The following SNX25 variants were observed in gnomAD, a reference collection of about 807,000 sequenced individuals.
The protein encoded by SNX25 is sorting nexin-25.
A neutral mutation model predicts 113.7 loss-of-function variants in SNX25; 62 were observed. That is an observed-to-expected ratio of 0.55 (90% confidence interval 0.44 to 0.67). SNX25 has a LOEUF of 0.67. Among genes scored for constraint, SNX25 ranks in the 30% least tolerant of loss-of-function variants. The pLI is 0.00. For synonymous variants in SNX25, 421 were observed against 436.2 expected (o/e 0.97, Z 0.43); for missense variants, 1,014 against 1,161.0 (o/e 0.87, Z 1.84).
intron 6 of SNX25, among the ~76,000 whole-genome samples, chr4:185,309,354 A>T (rs1017191073): frequency 6.6e-6 from 1 of 152,174 alleles, no homozygotes; most frequent in Non-Finnish European, 1.5e-5. Flanking sequence ...CCCCAACCAG[A>T]TTCAAGAAAA....
At chr4:185,370,795 C>G (rs201180140), downstream of SNX25, 1 of 1,613,968 alleles carries the variant, frequency 6.2e-7, no homozygotes, top group African/African-American at 1.3e-5. Flanking sequence ...ATGTCGTGAA[C>G]CTCATCATAG....
In SNX25 at chr4:185,255,277, G is replaced by T. The variant is rs75878865; in HGVS notation, c.515-3571G>T. On this transcript the variant is annotated intron_variant, in intron 2 of 18. Coordinates refer to ENST00000652585, the MANE Select transcript of SNX25 (RefSeq NM_001378034.2). Reference sequence around the variant, plus strand: ...GCCTCTGGAGTACCTGGGATTACAGGCGCCTGCCACCACGCACGGCTAATT... The same window carrying T: ...GCCTCTGGAGTACCTGGGATTACAGTCGCCTGCCACCACGCACGGCTAATT... 8.5e-3 allele frequency among the ~76,000 whole-genome samples: 1,289 copies of T among 152,102 alleles called. 13 individuals carry two copies. The highest frequency in any genetic ancestry group is 0.03 in the African/African-American group (1,230 of 41,480).
chr4:185,240,885 G>A (rs1032557913), intron 1 of SNX25, among the ~76,000 whole-genome samples: 3 of 151,214 alleles, frequency 2.0e-5, no homozygotes, highest in African/African-American at 7.3e-5. Context: ...AGACGGGGCG[G>A]CAGGGCAGAG....
intron 2 of SNX25, among the ~76,000 whole-genome samples, chr4:185,255,965 T>G (rs533065694): frequency 2.6e-4 from 39 of 152,348 alleles, no homozygotes; most frequent in African/African-American, 9.1e-4. Context: ...CCATTAGGGA[T>G]GAGATGTAGC....
At chr4:185,219,781 T>C (rs903120118) in intron 1 of SNX25, among the ~76,000 whole-genome samples, 1 of 152,122 alleles carries the variant, frequency 6.6e-6, no homozygotes, top group African/African-American at 2.4e-5. Context: ...CTTCCTCTTA[T>C]GTAAATCAAC....
At chr4:185,353,433 C>T in intron 14 of SNX25, 52 bp from the exon 15 acceptor site, 1 of 1,397,088 alleles carries the variant, frequency 7.2e-7, no homozygotes, top group South Asian at 1.2e-5. Context: ...AACAACTCTA[C>T]CAATTTTCTT....
At chr4:185,367,262 G>A (rs1455893912), downstream of SNX25, 8 of 1,601,806 alleles carry the variant, frequency 5.0e-6, no homozygotes, top group South Asian at 8.9e-5. Context: ...ATCAAAAAGA[G>A]TCAGATATTT....
At chr4:185,346,484 T>A (rs1579875882) in intron 12 of SNX25, 53 bp from the exon 13 acceptor site, 1 of 1,190,770 alleles carries the variant, frequency 8.4e-7, no homozygotes, top group East Asian at 2.4e-5. Flanking sequence ...AAATCTTTTT[T>A]AAGATTAAAA....
In SNX25 at chr4:185,232,371, C is replaced by T. The variant is rs114940339; in HGVS notation, c.430-14923C>T. On this transcript the variant is annotated intron_variant, in intron 1 of 18. Transcript: ENST00000652585. This position sits in a 1 kb window ranked among gnomAD's most constrained non-coding sequence, Gnocchi z 4.4. The stretch of plus-strand genomic sequence containing the variant: ...GTTATACCCCATCCATCCCCTTCCC[C>T]GCTTAAGTTTCAATTTCCCAATAAT... Among the ~76,000 whole-genome samples the T allele has an allele frequency of 5.0e-3, 767 of 152,220 alleles. 4 individuals carry two copies. Among genetic ancestry groups the T allele is most frequent in the African/African-American group, 0.017 (698 of 41,530 alleles).
intron 6 of SNX25, among the ~76,000 whole-genome samples, chr4:185,302,626 C>T (rs982099847): frequency 2.0e-5 from 3 of 152,244 alleles, no homozygotes; most frequent in Non-Finnish European, 2.9e-5. Context: ...GACTGCCTTG[C>T]ACCTTCTGCC....
chr4:185,228,782 G>C (rs1303493835), intron 1 of SNX25, among the ~76,000 whole-genome samples: 5 of 152,102 alleles, frequency 3.3e-5, no homozygotes, highest in Non-Finnish European at 5.9e-5. Flanking sequence ...CCGTTTATTG[G>C]GCCCTCATTG....
intron 10 of SNX25, among the ~76,000 whole-genome samples, chr4:185,333,634 A>T (rs1212053417): frequency 6.6e-6 from 1 of 152,218 alleles, no homozygotes; most frequent in East Asian, 1.9e-4. Context: ...GTTTTCTTTA[A>T]CAAAGAAAAA....
downstream of SNX25, among the ~76,000 whole-genome samples, chr4:185,374,736 C>T (rs575371593): frequency 4.6e-5 from 7 of 152,264 alleles, no homozygotes; most frequent in African/African-American, 1.2e-4. Context: ...ATTTAAGTCT[C>T]GATATGGGCT....
intron 1 of SNX25, among the ~76,000 whole-genome samples, chr4:185,228,712 A>G (rs1741375550): frequency 1.3e-5 from 2 of 152,010 alleles, no homozygotes; most frequent in Non-Finnish European, 2.9e-5. Flanking sequence ...GTACAGGGTA[A>G]TTTTAAGAGA....
At chr4:185,372,418 A>G (rs1055020379), downstream of SNX25, among the ~76,000 whole-genome samples, 5 of 152,242 alleles carry the variant, frequency 3.3e-5, no homozygotes, top group Non-Finnish European at 7.3e-5. Flanking sequence ...GCTAAGTTGC[A>G]TTAGACACAT....
chr4:185,209,981 C>A lies in SNX25; in HGVS notation c.155C>A (p.Pro52Gln), dbSNP rs1281986948. Residue 52 changes from proline to glutamine, a missense_variant, in exon 1 of 19, where the codon CCG becomes CAG. Transcript: ENST00000652585. The surrounding 1 kb of genome is among the most constrained non-coding windows in gnomAD (Gnocchi z 5.2). ...EAAAAAAPGA[P>Q]GGRSWWKPVA... is the part of the protein sequence containing the mutation. ...GCAGCAGCGGCGGCGCCGGGGGCCCCGGGCGGCCGGAGCTGGTGGAAGCCC... is the reference window on the plus strand; with the variant it reads ...GCAGCAGCGGCGGCGCCGGGGGCCCAGGGCGGCCGGAGCTGGTGGAAGCCC... 2 of 983,426 alleles carry A rather than the reference C, an allele frequency of 2.0e-6. No homozygotes were observed. Among genetic ancestry groups the A allele is most frequent in the South Asian group, 9.3e-5 (2 of 21,576 alleles). 60.9% of individuals were successfully genotyped at this position (983,426 alleles called of 1,614,324 possible).
intron 14 of SNX25, 158 bp from the exon 15 acceptor site, chr4:185,353,327 G>A: frequency 1.8e-6 from 1 of 570,566 alleles, no homozygotes; most frequent in Non-Finnish European, 3.1e-6. Context: ...TTCTGAATCT[G>A]TCCTCTGTGT....
intron 10 of SNX25, among the ~76,000 whole-genome samples, chr4:185,338,167 G>C (rs1039699895): frequency 2.0e-5 from 3 of 151,910 alleles, no homozygotes; most frequent in Non-Finnish European, 2.9e-5. Context: ...TTTTAATTTT[G>C]ATGAATTCCA....
At chr4:185,270,568 G>A (rs1285825109) in intron 5 of SNX25, among the ~76,000 whole-genome samples, 1 of 152,208 alleles carries the variant, frequency 6.6e-6, no homozygotes, top group Non-Finnish European at 1.5e-5. Context: ...ACCTTTAAGT[G>A]TACAATTCCG....
Sources: gnomAD v4.1 joint callset for allele counts (sites outside exome capture counted in the v4.1 genomes callset) on GRCh38, gnomAD v4.1.1 for gene constraint, Gnocchi (gnomAD v3.1) non-coding constraint, MANE v1.5 for transcripts, NCBI Gene and HGNC (gene_info 2026-07-23, HGNC 2026-07-21) for gene names.